Variants in SV2B observed in about 807,000 individuals in gnomAD.
SV2B encodes the protein synaptic vesicle glycoprotein 2B.
A neutral mutation model predicts 73.9 loss-of-function variants in SV2B; 41 were observed. The observed-to-expected ratio is 0.56, with a 90% confidence interval of 0.43 to 0.72. The LOEUF is 0.72. Ranked by LOEUF, SV2B falls within the 30% of genes least tolerant of loss-of-function variation. The pLI, the probability that SV2B is intolerant of heterozygous loss-of-function variation, is 0.00. For missense variants in SV2B, 764 were observed against 857.8 expected, an observed-to-expected ratio of 0.89 and a Z score of 1.37; for synonymous variants, 314 against 314.2, an observed-to-expected ratio of 1.00 and a Z score of 0.01.
chr15:91,252,468 G>T lies in SV2B; in HGVS notation c.732G>T (p.Met244Ile), dbSNP rs772607628. The change falls in exon 4 of 13, where the codon ATG (methionine) becomes ATT (isoleucine). Residue 244 changes from methionine (M) to isoleucine (I), a missense_variant. Met to Ile is a conservative substitution (Grantham distance 10, BLOSUM62 1). Coordinates refer to ENST00000394232, the MANE Select transcript of SV2B (RefSeq NM_001323032.3). This position sits in a 1 kb window ranked among gnomAD's most constrained non-coding sequence, Gnocchi z 4.6. ...EHLSWLGIFW[M>I]TGGLYASAMA... is the part of the protein sequence containing the mutation. ...TCAGTTGGCTGGGCATCTTCTGGAT[G>T]ACTGGGGGCCTGTACGCATCTGCCA... The T allele has an allele frequency of 5.6e-6, 9 of 1,613,794 alleles. No homozygotes were observed. Among genetic ancestry groups the T allele is most frequent in the Non-Finnish European group, 7.6e-6 (9 of 1,179,838 alleles).
chr15:91,144,425 A>T (rs558486308), intron 1 of SV2B, among the ~76,000 whole-genome samples: 10 of 147,518 alleles, frequency 6.8e-5, no homozygotes, highest in East Asian at 3.9e-4. Flanking sequence ...ATTTTTTTTT[A>T]AAAAAGCATT....
chr15:91,270,596 C>A (rs138050664), intron 9 of SV2B, among the ~76,000 whole-genome samples: 1 of 152,330 alleles, frequency 6.6e-6, no homozygotes, highest in African/African-American at 2.4e-5. Flanking sequence ...GTCAATACAA[C>A]GCAGAGTCCT....
At chr15:91,155,355 C>G (rs961259298) in intron 1 of SV2B, among the ~76,000 whole-genome samples, 1 of 152,192 alleles carries the variant, frequency 6.6e-6, no homozygotes. Flanking sequence ...TACTGACACA[C>G]CAGTTCTTTC....
At chr15:91,182,159 A>G (rs1209531925) in intron 1 of SV2B, among the ~76,000 whole-genome samples, 2 of 152,220 alleles carry the variant, frequency 1.3e-5, no homozygotes, top group African/African-American at 4.8e-5. Flanking sequence ...GACAAGGCTT[A>G]TATGAAACAG....
chr15:91,215,032 T>C (rs926694239), intron 1 of SV2B, among the ~76,000 whole-genome samples: 1 of 152,174 alleles, frequency 6.6e-6, no homozygotes, highest in Non-Finnish European at 1.5e-5. Context: ...CCCATAGCTA[T>C]CCCACATCCG....
chr15:91,251,605 T>G (rs938414798), intron 2 of SV2B, among the ~76,000 whole-genome samples: 2 of 152,234 alleles, frequency 1.3e-5, no homozygotes, highest in East Asian at 3.8e-4. Context: ...TGTTAGTCTG[T>G]GTATATGTGA....
In SV2B at chr15:91,267,403, C is replaced by T. The variant is rs1360418903; in HGVS notation, c.1120-152C>T. On this transcript the variant is annotated intron_variant, in intron 7 of 12. Coordinates refer to ENST00000394232, the MANE Select transcript of SV2B (RefSeq NM_001323032.3). The surrounding 1 kb of genome is among the most constrained non-coding windows in gnomAD (Gnocchi z 4.3). ...GAAGAGGCTTTCCTTGTTATTTGGACAGTTTTGCTGCCTCTAGGAGACAGT... is the reference window on the plus strand; with the variant it reads ...GAAGAGGCTTTCCTTGTTATTTGGATAGTTTTGCTGCCTCTAGGAGACAGT... The T allele has an allele frequency of 1.1e-5, 7 of 620,250 alleles. No individual in the cohort carries two copies. Among genetic ancestry groups the T allele is most frequent in the East Asian group, 1.1e-4 (4 of 36,124 alleles). The allele number at this position is 620,250 out of a possible 1,614,324, so 38.4% of individuals were successfully genotyped here. A position where few individuals can be genotyped will look rare whatever the true frequency, so the allele number is the denominator to read the frequency against.
rs1431765598 is a variant in SV2B at position 91,293,466 on chromosome 15, C to A, written c.*914C>A. ...CATTGTGCAGTCTGCTTAATCCAGG[C>A]ACTTTTCTTTGTGCAGGTGTAGTGA... On this transcript the variant is annotated 3_prime_UTR_variant, in exon 13 of 13. Transcript: ENST00000394232. 1 of 152,214 alleles carries A rather than the reference C, an allele frequency of 6.6e-6. No homozygotes were observed. The highest frequency in any genetic ancestry group is 1.5e-5 in the Non-Finnish European group (1 of 68,042). 9.4% of individuals were successfully genotyped at this position (152,214 alleles called of 1,614,324 possible). A position where few individuals can be genotyped will look rare whatever the true frequency, so the allele number is the denominator to read the frequency against.
At chr15:91,206,222 T>TTTG (rs1423989253) in intron 1 of SV2B, among the ~76,000 whole-genome samples, 1 of 150,480 alleles carries the variant, frequency 6.6e-6, no homozygotes, top group Non-Finnish European at 1.5e-5. Flanking sequence ...TTTTTTTTTT[T>TTTG]TCAGATACAG....
chr15:91,183,726 C>G (rs1323517346), intron 1 of SV2B, among the ~76,000 whole-genome samples: 1 of 152,162 alleles, frequency 6.6e-6, no homozygotes, highest in Non-Finnish European at 1.5e-5. Flanking sequence ...ACCCCAGTCT[C>G]AAAGCTGTAT....
intron 1 of SV2B, among the ~76,000 whole-genome samples, chr15:91,114,375 G>A (rs570325988): frequency 6.6e-6 from 1 of 152,242 alleles, no homozygotes; most frequent in Non-Finnish European, 1.5e-5. Flanking sequence ...ATGGGGAAAC[G>A]TCCTATCTCT....
At chr15:91,287,651 G>T (rs1406074759) in intron 11 of SV2B, among the ~76,000 whole-genome samples, 10 of 152,184 alleles carry the variant, frequency 6.6e-5, no homozygotes, top group Non-Finnish European at 7.3e-5. Flanking sequence ...TTCTGAGCTG[G>T]ACTTCTCCGC....
At chr15:91,114,183 CAAAAAAAAAAAAAA>C (rs11372573) in intron 1 of SV2B, among the ~76,000 whole-genome samples, 3 of 55,962 alleles carry the variant, frequency 5.4e-5, no homozygotes, top group African/African-American at 6.7e-5. Context: ...GACTCCATCT[CAAAAAAAAAAAAAA>C]AAAAAAAAAA....
At chr15:91,277,400 A>G (rs2141736068) in intron 9 of SV2B, among the ~76,000 whole-genome samples, 1 of 152,354 alleles carries the variant, frequency 6.6e-6, no homozygotes, top group African/African-American at 2.4e-5. Context: ...GAGTTTTGAC[A>G]AAGGCATGCA....
At position 91,128,420 on chromosome 15, in the gene SV2B, C is replaced by T. The variant is rs750373736; in HGVS notation, c.-392+28057C>T. ...CCAGGGTCTGATTCCACCCCGCAAACCCTCACCTGGCTGAATATGAGATCC... is the reference window on the plus strand; with the variant it reads ...CCAGGGTCTGATTCCACCCCGCAAATCCTCACCTGGCTGAATATGAGATCC... On this transcript the variant is annotated intron_variant, in intron 1 of 12. Transcript: ENST00000394232. The surrounding 1 kb of genome is among the most constrained non-coding windows in gnomAD (Gnocchi z 4.2). Among the ~76,000 whole-genome samples, 12 of 152,186 alleles carry T rather than the reference C, an allele frequency of 7.9e-5. No homozygotes were observed. The highest frequency in any genetic ancestry group is 1.2e-4 in the Non-Finnish European group (8 of 68,046).
At chr15:91,264,864 G>A (rs961253258) in intron 6 of SV2B, among the ~76,000 whole-genome samples, 10 of 152,070 alleles carry the variant, frequency 6.6e-5, no homozygotes, top group African/African-American at 1.9e-4. Flanking sequence ...CCCAGCATGC[G>A]TGCCAGTTAC....
chr15:91,249,107 C>CACACA (rs112646936), intron 2 of SV2B, among the ~76,000 whole-genome samples: 2 of 132,486 alleles, frequency 1.5e-5, no homozygotes, highest in Admixed American at 7.6e-5. Context: ...CACACACACA[C>CACACA]ATGTTTATGA....
In SV2B at chr15:91,236,871, G is replaced by A. The variant is rs1036502977; in HGVS notation, c.451+10157G>A. 1.3e-5 allele frequency among the ~76,000 whole-genome samples: 2 copies of A among 152,044 alleles called. No homozygotes were observed. Among genetic ancestry groups the A allele is most frequent in the African/African-American group, 4.8e-5 (2 of 41,492 alleles). On this transcript the variant is annotated intron_variant, in intron 2 of 12. Coordinates refer to ENST00000394232, the MANE Select transcript of SV2B (RefSeq NM_001323032.3). This position sits in a 1 kb window ranked among gnomAD's most constrained non-coding sequence, Gnocchi z 4.1. ...GACGCAGATGGCTGGGGCTTCTTTTGAGCATCTCTCTCTATCTCCATACGA... is the reference window on the plus strand; with the variant it reads ...GACGCAGATGGCTGGGGCTTCTTTTAAGCATCTCTCTCTATCTCCATACGA...
At chr15:91,271,056 GGGCAGACGGT>G (rs2048297530) in intron 9 of SV2B, among the ~76,000 whole-genome samples, 1 of 139,794 alleles carries the variant, frequency 7.2e-6, no homozygotes, top group African/African-American at 3.1e-5. Context: ...TGTGGATGAT[GGGCAGACGGT>G]AAGTCCTGTG....
Sources: allele counts gnomAD v4.1 joint callset (sites outside exome capture counted in the v4.1 genomes callset), GRCh38; gene constraint gnomAD v4.1.1; non-coding constraint Gnocchi (gnomAD v3.1); transcripts MANE v1.5; gene names NCBI Gene and HGNC (gene_info 2026-07-23, HGNC 2026-07-21).